Variants in EML1 observed in about 807,000 individuals in gnomAD.
The protein encoded by EML1 is echinoderm microtubule-associated protein-like 1.
A neutral mutation model predicts 110.4 loss-of-function variants in EML1; 27 were observed. The observed-to-expected ratio is 0.24, with a 90% CI of 0.18 to 0.34. EML1 has a LOEUF of 0.34. Ranked by LOEUF, EML1 falls within the 10% of genes least tolerant of loss-of-function variation. The pLI is 1.00. For synonymous variants in EML1, 344 were observed against 385.8 expected (o/e 0.89, Z 1.27); for missense variants, 741 against 1,030.9 (o/e 0.72, Z 3.85).
intron 16 of EML1, among the ~76,000 whole-genome samples, chr14:99,919,418 G>GCACACACA: frequency 1.0e-5 from 1 of 95,238 alleles, no homozygotes; most frequent in African/African-American, 4.0e-5. Flanking sequence ...ACATACGCAT[G>GCACACACA]CACACAGACA....
At chr14:99,798,658 C>G (rs2057820339) in intron 1 of EML1, among the ~76,000 whole-genome samples, 1 of 152,098 alleles carries the variant, frequency 6.6e-6, no homozygotes, top group African/African-American at 2.4e-5. Flanking sequence ...TCCCAAAGTG[C>G]TAGGATTATA....
chr14:99,937,476 C>T (rs530220028), intron 19 of EML1, among the ~76,000 whole-genome samples: 63 of 151,596 alleles, frequency 4.2e-4, no homozygotes, highest in African/African-American at 1.4e-3. Flanking sequence ...GGGGCCTGAC[C>T]GCAGAGGCAG....
intron 1 of EML1, among the ~76,000 whole-genome samples, chr14:99,777,270 T>C (rs749272117): frequency 7.4e-4 from 112 of 152,256 alleles, no homozygotes; most frequent in Middle Eastern, 6.8e-3. Context: ...CAAGCAGTTC[T>C]ACAAGGCTTA....
intron 4 of EML1, 117 bp from the exon 5 acceptor site, chr14:99,891,082 A>G (rs1354125819): frequency 4.3e-6 from 5 of 1,170,866 alleles, no homozygotes; most frequent in Non-Finnish European, 6.2e-6. Context: ...ATTAACGTGT[A>G]TAACTTATGC....
chr14:99,905,904 A>G lies in EML1; in HGVS notation c.1009-1734A>G, dbSNP rs1178066926. Reference sequence around the variant, plus strand: ...ACTCCTAAGTTAGGCCTCTAACCCAATCCCATCCTTTGCCCAGGTGTGTGC... The same window carrying G: ...ACTCCTAAGTTAGGCCTCTAACCCAGTCCCATCCTTTGCCCAGGTGTGTGC... On this transcript the variant is annotated intron_variant, in intron 9 of 21. Coordinates refer to ENST00000262233, the MANE Select transcript of EML1 (RefSeq NM_004434.3). This position sits in a 1 kb window ranked among gnomAD's most constrained non-coding sequence, Gnocchi z 4.1. 6.6e-6 allele frequency among the ~76,000 whole-genome samples: 1 copy of G among 151,880 alleles called. No individual in the cohort carries two copies. Among genetic ancestry groups the G allele is most frequent in the Non-Finnish European group, 1.5e-5 (1 of 67,984 alleles).
chr14:99,892,343 G>A (rs1595442902), intron 5 of EML1: 3 of 384,360 alleles, frequency 7.8e-6, no homozygotes, highest in African/African-American at 4.4e-5. Context: ...TAAGTTAAAC[G>A]CATCCCTGAG....
intron 1 of EML1, among the ~76,000 whole-genome samples, chr14:99,750,633 G>T (rs937214563): frequency 1.3e-5 from 2 of 152,172 alleles, no homozygotes; most frequent in Non-Finnish European, 2.9e-5. Flanking sequence ...GGGGATCAGG[G>T]TGGGCTTTCA....
chr14:99,815,307 A>G (rs2058149430), intron 1 of EML1, among the ~76,000 whole-genome samples: 2 of 151,760 alleles, frequency 1.3e-5, no homozygotes, highest in African/African-American at 2.4e-5. Flanking sequence ...ACTCCCGGCT[A>G]ATTTTTTGTA....
chr14:99,747,105 G>A (rs544294905), intron 1 of EML1, among the ~76,000 whole-genome samples: 6 of 147,498 alleles, frequency 4.1e-5, no homozygotes, highest in African/African-American at 1.0e-4. Flanking sequence ...GGAGAATGGC[G>A]TGAACCCAGG....
intron 16 of EML1, among the ~76,000 whole-genome samples, chr14:99,919,423 CAG>C (rs908109045): frequency 2.4e-5 from 2 of 82,492 alleles, no homozygotes; most frequent in African/African-American, 9.5e-5. Flanking sequence ...CGCATGCACA[CAG>C]ACACACACAC....
In EML1 at chr14:99,889,861, GT is replaced by G. The variant is rs541214651; in HGVS notation, c.519-1335del. Among the ~76,000 whole-genome samples, 882 of 152,268 alleles carry G rather than the reference GT, an allele frequency of 5.8e-3. 1 individual carries two copies. The highest frequency in any genetic ancestry group is 0.02 in the African/African-American group (828 of 41,532). The stretch of plus-strand genomic sequence containing the variant: ...GTATTTTCAATGACCATAGTTTAGA[GT>G]TTAGGAAACTAAGCCTATAGCTTAC... On this transcript the variant is annotated intron_variant, in intron 4 of 21. Transcript: ENST00000262233.
chr14:99,804,300 G>C (rs1461110384), intron 1 of EML1, among the ~76,000 whole-genome samples: 1 of 152,238 alleles, frequency 6.6e-6, no homozygotes, highest in African/African-American at 2.4e-5. Context: ...ATTCATGCGT[G>C]TATGTGTGTG....
chr14:99,940,218 C>T lies in EML1; in HGVS notation c.*106C>T. On this transcript the variant is annotated 3_prime_UTR_variant, in exon 22 of 22. Transcript: ENST00000262233. The stretch of plus-strand genomic sequence containing the variant: ...TTGTTTAAAAAATTCTTACAAACCT[C>T]AGGAAAACTGTGCCCTCCGCCGGCT... The T allele has an allele frequency of 7.4e-7, 1 of 1,349,054 alleles. No individual in the cohort carries two copies. Among genetic ancestry groups the T allele is most frequent in the East Asian group, 2.9e-5 (1 of 34,450 alleles). 83.6% of individuals were successfully genotyped at this position (1,349,054 alleles called of 1,614,324 possible). A position where few individuals can be genotyped will look rare whatever the true frequency, so the allele number is the denominator to read the frequency against.
At position 99,910,345 on chromosome 14, in the gene EML1, A is replaced by G. The variant is rs753570062; in HGVS notation, c.1339+4A>G. 20 of 1,604,876 alleles carry G rather than the reference A, an allele frequency of 1.2e-5. No individual in the cohort carries two copies. The highest frequency in any genetic ancestry group is 1.7e-5 in the Admixed American group (1 of 58,778). On this transcript the variant is annotated splice_donor_region_variant and intron_variant, in intron 12 of 21. Coordinates refer to ENST00000262233, the MANE Select transcript of EML1 (RefSeq NM_004434.3). ...AACATCTTAGTATGGGGAAAAGGTAATAAGTGATTGTTCCCAAAACCAATG... is the reference window on the plus strand; with the variant it reads ...AACATCTTAGTATGGGGAAAAGGTAGTAAGTGATTGTTCCCAAAACCAATG...
At chr14:99,797,487 A>G (rs898263263) in intron 1 of EML1, among the ~76,000 whole-genome samples, 1 of 152,212 alleles carries the variant, frequency 6.6e-6, no homozygotes, top group East Asian at 1.9e-4. Flanking sequence ...GCTAGGTCAT[A>G]TGGTAACTCT....
intron 1 of EML1, among the ~76,000 whole-genome samples, chr14:99,741,943 G>A (rs568075764): frequency 6.6e-6 from 1 of 152,170 alleles, no homozygotes; most frequent in East Asian, 1.9e-4. Context: ...TGCCCTGCTC[G>A]TAGGAGTCCC....
At chr14:99,818,289 A>C (rs2058203181) in intron 1 of EML1, among the ~76,000 whole-genome samples, 1 of 152,202 alleles carries the variant, frequency 6.6e-6, no homozygotes, top group Non-Finnish European at 1.5e-5. Flanking sequence ...AGAGTGATGG[A>C]TAAACCAGTT....
chr14:99,883,947 C>T (rs897430387), intron 4 of EML1, among the ~76,000 whole-genome samples: 3 of 152,240 alleles, frequency 2.0e-5, no homozygotes, highest in Non-Finnish European at 4.4e-5. Context: ...GCCCTGATCA[C>T]TATAACAAAA....
chr14:99,741,653 C>A (rs1430141952), intron 1 of EML1, among the ~76,000 whole-genome samples: 1 of 151,932 alleles, frequency 6.6e-6, no homozygotes, highest in Admixed American at 6.6e-5. Flanking sequence ...TCACAGTGGG[C>A]CCCTCACCAG....
Sources: gnomAD v4.1 joint callset for allele counts (sites outside exome capture counted in the v4.1 genomes callset) on GRCh38, gnomAD v4.1.1 for gene constraint, Gnocchi (gnomAD v3.1) non-coding constraint, MANE v1.5 for transcripts, NCBI Gene and HGNC (gene_info 2026-07-23, HGNC 2026-07-21) for gene names.